Variants in NEDD4L observed in about 807,000 individuals in gnomAD.
NEDD4L encodes E3 ubiquitin-protein ligase NEDD4-like.
A neutral mutation model predicts 148.9 loss-of-function variants in NEDD4L; 54 were observed. The observed-to-expected ratio is 0.36, with a 90% CI of 0.29 to 0.45. The LOEUF is 0.45. NEDD4L is among the 20% of genes least tolerant of loss of function. NEDD4L has a pLI of 1.00. For synonymous variants in NEDD4L, 433 were observed against 440.7 expected (o/e 0.98, Z 0.22); for missense variants, 856 against 1,233.8 (o/e 0.69, Z 4.59).
At chr18:58,069,807 G>C (rs149258139) in intron 1 of NEDD4L, among the ~76,000 whole-genome samples, 1 of 152,170 alleles carries the variant, frequency 6.6e-6, no homozygotes, top group African/African-American at 2.4e-5. Flanking sequence ...ATTAGTTAAA[G>C]ATTTCTAGCA....
intron 2 of NEDD4L, among the ~76,000 whole-genome samples, chr18:58,175,555 G>C (rs1029166246): frequency 6.6e-6 from 1 of 152,364 alleles, no homozygotes; most frequent in Non-Finnish European, 1.5e-5. Flanking sequence ...AGCAGCCTCC[G>C]CTGTCTAGGG....
intron 25 of NEDD4L, among the ~76,000 whole-genome samples, chr18:58,384,115 CTCCCTCCTTTCTTCTCATT>C: frequency 1.3e-5 from 2 of 152,276 alleles, no homozygotes; most frequent in Admixed American, 1.3e-4. Context: ...ACAGGCTAGG[CTCCCTCCTTTCTTCTCATT>C]TGGAATTGGT....
intron 30 of NEDD4L, 136 bp from the exon 31 acceptor site, chr18:58,396,031 T>G (rs554420979): frequency 1.4e-4 from 80 of 577,082 alleles, no homozygotes; most frequent in African/African-American, 1.4e-3. Context: ...TAGAGGTTTT[T>G]GGGGTTTTTT....
chr18:58,391,761 G>A (rs1310560350), intron 30 of NEDD4L, among the ~76,000 whole-genome samples: 1 of 152,172 alleles, frequency 6.6e-6, no homozygotes, highest in African/African-American at 2.4e-5. Flanking sequence ...GCACATAAAG[G>A]GCTCAGGCCT....
chr18:58,157,863 CTG>C (rs1267437341), intron 1 of NEDD4L, among the ~76,000 whole-genome samples: 1 of 152,196 alleles, frequency 6.6e-6, no homozygotes, highest in Non-Finnish European at 1.5e-5. Flanking sequence ...ATAAATGAGA[CTG>C]TAATTATTGC....
At chr18:58,180,634 C>CTTG (rs1396946803) in intron 2 of NEDD4L, among the ~76,000 whole-genome samples, 2 of 152,210 alleles carry the variant, frequency 1.3e-5, no homozygotes, top group Non-Finnish European at 2.9e-5. Flanking sequence ...TTTCATTACC[C>CTTG]TTGCATTTCA....
intron 1 of NEDD4L, among the ~76,000 whole-genome samples, chr18:58,053,886 T>C (rs949112210): frequency 6.6e-6 from 1 of 152,236 alleles, no homozygotes; most frequent in East Asian, 1.9e-4. Flanking sequence ...GCAAAGCCAA[T>C]CATTTCTTTT....
intron 2 of NEDD4L, among the ~76,000 whole-genome samples, chr18:58,199,397 A>C (rs941717139): frequency 6.6e-6 from 1 of 152,096 alleles, no homozygotes; most frequent in Non-Finnish European, 1.5e-5. Flanking sequence ...TCTAGTGTGT[A>C]GAGGCCTGGG....
intron 2 of NEDD4L, among the ~76,000 whole-genome samples, chr18:58,215,907 A>G (rs1032383480): frequency 6.6e-6 from 1 of 151,948 alleles, no homozygotes; most frequent in African/African-American, 2.4e-5. Flanking sequence ...CCTATTTATC[A>G]TATCTGTTAA....
intron 1 of NEDD4L, among the ~76,000 whole-genome samples, chr18:58,113,490 A>T (rs2085542864): frequency 6.6e-6 from 1 of 152,084 alleles, no homozygotes; most frequent in Admixed American, 6.5e-5. Context: ...AAGCAGGAAA[A>T]ATCTTTAGCT....
At chr18:58,319,347 G>T (rs1412817696) in intron 6 of NEDD4L, among the ~76,000 whole-genome samples, 1 of 152,174 alleles carries the variant, frequency 6.6e-6, no homozygotes, top group Non-Finnish European at 1.5e-5. Context: ...TTAGGTGCTT[G>T]CAGTGGTTGC....
At chr18:58,144,659 AAAAC>A (rs368408259) in intron 1 of NEDD4L, among the ~76,000 whole-genome samples, 15 of 152,290 alleles carry the variant, frequency 9.8e-5, no homozygotes, top group East Asian at 5.8e-4. Context: ...CTGGAAAAAA[AAAAC>A]AAACAAACCT....
chr18:58,149,645 C>A, intron 1 of NEDD4L: 1 of 864,804 alleles, frequency 1.2e-6, no homozygotes, highest in South Asian at 1.4e-5. Context: ...CACCCATAGT[C>A]ATGATTGTGT....
At chr18:58,386,902 C>T (rs1382999793) in intron 26 of NEDD4L, among the ~76,000 whole-genome samples, 3 of 152,228 alleles carry the variant, frequency 2.0e-5, no homozygotes, top group Admixed American at 1.3e-4. Flanking sequence ...CCACCGCAGG[C>T]GGTCCACACC....
At chr18:58,061,986 C>A (rs1250929359) in intron 1 of NEDD4L, among the ~76,000 whole-genome samples, 1 of 152,150 alleles carries the variant, frequency 6.6e-6, no homozygotes, top group Non-Finnish European at 1.5e-5. Context: ...TAGCAGCCTC[C>A]CTTGGCTATC....
chr18:58,316,897 T>A (rs1601138926), intron 6 of NEDD4L, among the ~76,000 whole-genome samples: 1 of 139,594 alleles, frequency 7.2e-6, no homozygotes, highest in African/African-American at 2.7e-5. Context: ...GTTATTTTTT[T>A]AAATGCTTTG....
At chr18:58,236,147 A>G (rs1416324606) in intron 2 of NEDD4L, among the ~76,000 whole-genome samples, 2 of 152,012 alleles carry the variant, frequency 1.3e-5, no homozygotes, top group African/African-American at 2.4e-5. Context: ...GCCTGAAGCT[A>G]GGAGTTTGAG....
intron 1 of NEDD4L, among the ~76,000 whole-genome samples, chr18:58,161,144 C>T (rs983882065): frequency 1.3e-5 from 2 of 152,224 alleles, no homozygotes; most frequent in South Asian, 4.2e-4. Flanking sequence ...CATTCTCCTG[C>T]CTCAGCCTCC....
intron 1 of NEDD4L, among the ~76,000 whole-genome samples, chr18:58,100,013 A>G (rs961594421): frequency 1.7e-4 from 26 of 152,308 alleles, no homozygotes; most frequent in Admixed American, 1.4e-3. Context: ...AAGAAGGGAT[A>G]AAATACTGAT....
Sources: gnomAD v4.1 joint callset for allele counts (sites outside exome capture counted in the v4.1 genomes callset) on GRCh38, gnomAD v4.1.1 for gene constraint, MANE v1.5 for transcripts, NCBI Gene and HGNC (gene_info 2026-07-23, HGNC 2026-07-21) for gene names.